Variants in MRPL3 observed in about 807,000 individuals in gnomAD.
MRPL3 encodes the protein large ribosomal subunit protein uL3m.
Under a neutral mutation model 44.3 loss-of-function variants are expected in MRPL3, and 43 were observed. The observed-to-expected ratio is 0.97, with a 90% CI of 0.76 to 1.25. MRPL3 has a LOEUF of 1.25. Among genes scored for constraint, MRPL3 ranks in the 50% most tolerant of loss-of-function variants. The probability of loss-of-function intolerance (pLI) is 0.00; values close to 1 mark genes in which losing one functional copy is unlikely to be tolerated. For missense variants in MRPL3, 406 were observed against 427.6 expected (o/e 0.95, Z 0.45); for synonymous variants, 171 against 152.3 (o/e 1.12, Z -0.91).
chr3:131,479,831 C>T (rs975952435), intron 6 of MRPL3, among the ~76,000 whole-genome samples: 2 of 152,064 alleles, frequency 1.3e-5, no homozygotes, highest in Non-Finnish European at 2.9e-5. Flanking sequence ...GGCGAAAGAG[C>T]GAGACTCCGT....
chr3:131,466,288 T>C (rs1933599276), intron 9 of MRPL3, among the ~76,000 whole-genome samples: 1 of 152,120 alleles, frequency 6.6e-6, no homozygotes, highest in African/African-American at 2.4e-5. Flanking sequence ...GCTGCTATCA[T>C]TGGAAAATCA....
At chr3:131,469,199 C>G (rs1240112803) in intron 8 of MRPL3, among the ~76,000 whole-genome samples, 1 of 151,320 alleles carries the variant, frequency 6.6e-6, no homozygotes. Flanking sequence ...TTTTGATTGC[C>G]TCCCACTCTC....
intron 4 of MRPL3, among the ~76,000 whole-genome samples, chr3:131,492,697 C>G (rs1055707260): frequency 6.6e-6 from 1 of 152,096 alleles, no homozygotes; most frequent in African/African-American, 2.4e-5. Flanking sequence ...GGGATGGGGA[C>G]CCCTGTTCTA....
chr3:131,471,929 G>A (rs1933752783), intron 6 of MRPL3, among the ~76,000 whole-genome samples: 1 of 152,062 alleles, frequency 6.6e-6, no homozygotes. Context: ...ATTAACGAAG[G>A]ACCTGAGGTC....
intron 4 of MRPL3, 110 bp from the exon 5 acceptor site, chr3:131,490,190 A>T (rs1028055979): frequency 5.5e-6 from 4 of 725,608 alleles, no homozygotes; most frequent in Non-Finnish European, 9.4e-6. Flanking sequence ...ATCAAAGCAT[A>T]CCTTATTCCT....
intron 6 of MRPL3, among the ~76,000 whole-genome samples, chr3:131,474,952 A>AT (rs937409597): frequency 3.3e-5 from 5 of 151,280 alleles, no homozygotes; most frequent in South Asian, 2.1e-4. Flanking sequence ...CTAATTTTTA[A>AT]TTTTTTTTGG....
intron 4 of MRPL3, among the ~76,000 whole-genome samples, chr3:131,491,031 A>T (rs1934246227): frequency 6.6e-6 from 1 of 152,006 alleles, no homozygotes; most frequent in Non-Finnish European, 1.5e-5. Flanking sequence ...TCCCCTTTCT[A>T]CTGGAACTTC....
intron 9 of MRPL3, among the ~76,000 whole-genome samples, chr3:131,465,174 G>C (rs1933573124): frequency 6.6e-6 from 1 of 152,152 alleles, no homozygotes; most frequent in South Asian, 2.1e-4. Flanking sequence ...GTTCAAAAGG[G>C]ACTAGACATT....
chr3:131,501,885 C>G (rs753933497), intron 1 of MRPL3, 170 bp from the exon 2 acceptor site: 1 of 1,539,344 alleles, frequency 6.5e-7, no homozygotes, highest in Non-Finnish European at 8.7e-7. Flanking sequence ...TCCCCACATT[C>G]CTTCGGATAA....
In MRPL3 at chr3:131,501,586, T is replaced by C; in HGVS notation, c.222A>G (p.Ala74=). 6.2e-7 allele frequency: 1 copy of C among 1,612,280 alleles called. No homozygotes were observed. Among genetic ancestry groups the C allele is most frequent in the Non-Finnish European group, 8.5e-7 (1 of 1,179,968 alleles). ...CATCTTTCAGAGGACACAGTTTACT[T>C]GCTAATTGGGCTTTATCTTCATCAG... ...LVSDEDKAQL[A]SKLCPLKDEP... Residue 74 remains alanine, a synonymous_variant, in exon 2 of 10, where the codon GCA becomes GCG. Coordinates refer to ENST00000264995, the MANE Select transcript of MRPL3 (RefSeq NM_007208.4).
Position 131,502,905 on chromosome 3 carries a change from G to A in MRPL3, c.-84C>T. The A allele has an allele frequency of 1.6e-6, 2 of 1,268,536 alleles. No individual in the cohort carries two copies. Among genetic ancestry groups the A allele is most frequent in the Non-Finnish European group, 2.3e-6 (2 of 886,402 alleles). The allele number at this position is 1,268,536 out of a possible 1,614,324, so 78.6% of individuals were successfully genotyped here. A position where few individuals can be genotyped will look rare whatever the true frequency, so the allele number is the denominator to read the frequency against. ...GGGAGTCCCCACGCCACCGCCACGT[G>A]GACGCAGTAGCCGTGGGGAAGTTTT... On this transcript the variant is annotated 5_prime_UTR_variant, in exon 1 of 10. Coordinates refer to ENST00000264995, the MANE Select transcript of MRPL3 (RefSeq NM_007208.4).
rs1933514267 is a variant in MRPL3 at position 131,462,612 on chromosome 3, G to C, written c.*111C>G. The C allele has an allele frequency of 2.9e-6, 3 of 1,026,168 alleles. No homozygotes were observed. The highest frequency in any genetic ancestry group is 2.6e-5 in the Admixed American group (1 of 38,440). The allele number at this position is 1,026,168 out of a possible 1,614,324, so 63.6% of individuals were successfully genotyped here. On this transcript the variant is annotated 3_prime_UTR_variant, in exon 10 of 10. Coordinates refer to ENST00000264995, the MANE Select transcript of MRPL3 (RefSeq NM_007208.4). ...TTTATGCCCTTGACAAAGATGACAT[G>C]TGTGATTTTGTTGTGACTAAGAAAG...
chr3:131,500,442 G>T lies in MRPL3; in HGVS notation c.357C>A (p.Val119=). 1.9e-6 allele frequency: 3 copies of T among 1,613,328 alleles called. No individual in the cohort carries two copies. In the South Asian group the frequency reaches 3.3e-5, roughly 18 times the overall value. The part of the protein sequence containing the change: ...LWTKDGQKHV[V]TLLQVQDCHV... ...GTTTCTCTCTTACCTGAAGTAATGT[G>T]ACCACATGCTTTTGACCATCCTTGG... The change falls in exon 3 of 10, where the codon GTC becomes GTA. Residue 119 remains valine (V), a synonymous_variant. Transcript: ENST00000264995.
chr3:131,469,069 C>T (rs2110695276), intron 8 of MRPL3, among the ~76,000 whole-genome samples: 1 of 152,154 alleles, frequency 6.6e-6, no homozygotes, highest in South Asian at 2.1e-4. Context: ...CTCAGTTTTA[C>T]TTAGGTACAT....
chr3:131,471,201 G>C lies in MRPL3; in HGVS notation c.708C>G (p.Thr236=). 1 of 1,613,200 alleles carries C rather than the reference G, an allele frequency of 6.2e-7. No homozygotes were observed. Among genetic ancestry groups the C allele is most frequent in the Non-Finnish European group, 8.5e-7 (1 of 1,179,426 alleles). ...TTGCAACAGCTCCAGGTCTCCTGTG[G>C]GTTTTCGTTTGACCATGCGTAGCAG... The part of the protein sequence containing the change: ...GQPATHGQTK[T]HRRPGAVATG... The change falls in exon 7 of 10, where the codon ACC becomes ACG. Residue 236 remains threonine, a synonymous_variant. Transcript: ENST00000264995.
intron 1 of MRPL3, 187 bp from the exon 2 acceptor site, chr3:131,501,902 C>T (rs968666302): frequency 1.1e-5 from 17 of 1,537,126 alleles, no homozygotes; most frequent in Non-Finnish European, 1.4e-5. Context: ...ATAAGGCTCA[C>T]ATTTAAACTG....
intron 4 of MRPL3, among the ~76,000 whole-genome samples, chr3:131,492,032 C>T (rs1487616220): frequency 5.9e-5 from 9 of 152,134 alleles, no homozygotes; most frequent in Non-Finnish European, 1.5e-5. Context: ...ACATCAAACA[C>T]TAGCCTCAAG....
intron 1 of MRPL3, 25 bp downstream of exon 1, chr3:131,502,705 G>A: frequency 6.3e-7 from 1 of 1,588,978 alleles, no homozygotes; most frequent in Non-Finnish European, 8.6e-7. Context: ...AACTGTGCAG[G>A]TAGGACACCC....
At chr3:131,495,569 C>T (rs544957584) in intron 4 of MRPL3, among the ~76,000 whole-genome samples, 1 of 152,262 alleles carries the variant, frequency 6.6e-6, no homozygotes, top group South Asian at 2.1e-4. Flanking sequence ...CCAAATCACC[C>T]TGCTGTGCTA....
Sources: allele counts gnomAD v4.1 joint callset (sites outside exome capture counted in the v4.1 genomes callset), GRCh38; gene constraint gnomAD v4.1.1; transcripts MANE v1.5; gene names NCBI Gene and HGNC (gene_info 2026-07-23, HGNC 2026-07-21).